The following HDAC9 variants were observed in gnomAD, a reference collection of about 807,000 sequenced individuals.
HDAC9 encodes MEF-2 interacting transcription repressor (MITR) protein.
A neutral mutation model predicts 139.4 loss-of-function variants in HDAC9; 41 were observed. The observed-to-expected ratio is 0.29, with a 90% CI of 0.23 to 0.38. HDAC9 has a LOEUF of 0.38. Among genes scored for constraint, HDAC9 ranks in the 10% least tolerant of loss-of-function variants. The pLI, the probability that HDAC9 is intolerant of heterozygous loss-of-function variation, is 1.00. For synonymous variants in HDAC9, 517 were observed against 476.2 expected, an observed-to-expected ratio of 1.09 and a Z score of -1.12; for missense variants, 1,147 against 1,297.0, an observed-to-expected ratio of 0.88 and a Z score of 1.78.
chr7:18,228,338 G>A (rs150436654), intron 2 of HDAC9, among the ~76,000 whole-genome samples: 8 of 148,476 alleles, frequency 5.4e-5, no homozygotes, highest in South Asian at 2.1e-4. Flanking sequence ...TGAAAATGAC[G>A]TATAAAACTC....
At chr7:18,273,055 C>CCTTTTTTTTTTTTTTTTTTTTTTTTTT (rs1491175072) in intron 2 of HDAC9, among the ~76,000 whole-genome samples, 1 of 68,236 alleles carries the variant, frequency 1.5e-5, no homozygotes, top group African/African-American at 6.4e-5. Flanking sequence ...TCCCCTTCTT[C>CCTTTTTTTTTTTTTTTTTTTTTTTTTT]GTTTTTTTTT....
chr7:18,264,028 T>C (rs768596581), intron 2 of HDAC9, among the ~76,000 whole-genome samples: 1 of 152,198 alleles, frequency 6.6e-6, no homozygotes, highest in Admixed American at 6.5e-5. Context: ...TTGTAAACAT[T>C]TATGCACCCA....
chr7:18,198,312 G>GA (rs1438818388), intron 2 of HDAC9, among the ~76,000 whole-genome samples: 3 of 151,750 alleles, frequency 2.0e-5, no homozygotes, highest in East Asian at 1.9e-4. Flanking sequence ...CTGTAAAAAA[G>GA]AAAAAAATAT....
intron 21 of HDAC9, among the ~76,000 whole-genome samples, chr7:18,836,691 A>T (rs1043731485): frequency 6.6e-6 from 1 of 152,158 alleles, no homozygotes; most frequent in African/African-American, 2.4e-5. Context: ...AATTTTAAAA[A>T]TGAGCATTTC....
chr7:18,975,843 A>G lies in HDAC9; in HGVS notation c.3060A>G (p.Pro1020=), dbSNP rs1410429070. The change falls in exon 25 of 26, where the codon CCA becomes CCG. Residue 1020 remains proline (P), a synonymous_variant. Transcript: ENST00000686413. ...YWKSVRMVAV[P]RGCALAGAQL... Reference sequence around the variant, plus strand: ...AGTCAGTAAGGATGGTGGCTGTGCCAAGGGGCTGTGCTCTGGCTGGTGCTC... The same window carrying G: ...AGTCAGTAAGGATGGTGGCTGTGCCGAGGGGCTGTGCTCTGGCTGGTGCTC... The G allele has an allele frequency of 1.2e-6, 2 of 1,613,810 alleles. No individual in the cohort carries two copies. The highest frequency in any genetic ancestry group is 1.7e-6 in the Non-Finnish European group (2 of 1,179,856).
chr7:18,762,364 A>G, intron 15 of HDAC9, 87 bp downstream of exon 15: 1 of 1,468,414 alleles, frequency 6.8e-7, no homozygotes, highest in Non-Finnish European at 9.3e-7. Context: ...ATACTTGGCA[A>G]GTAGTGCAAC....
At position 18,666,222 on chromosome 7, in the gene HDAC9, A is replaced by C; in HGVS notation, c.1477A>C (p.Lys493Gln). ...GAACACTCTCTTCTAGCTGCTTTCG[A>C]AATCTATTGAACAACTGAAGCAACC... The part of the protein sequence containing the change: ...QQIHMNKLLS[K>Q]SIEQLKQPGS... Residue 493 changes from lysine to glutamine, a missense_variant, in exon 12 of 26, where the codon AAA becomes CAA. By Grantham distance (53) the Lys-to-Gln change is moderately conservative. Coordinates refer to ENST00000686413, the MANE Select transcript of HDAC9 (RefSeq NM_178425.4). The C allele has an allele frequency of 6.2e-7, 1 of 1,609,940 alleles. No individual in the cohort carries two copies.
At chr7:18,448,623 G>T (rs1488831253) in intron 1 of HDAC9, among the ~76,000 whole-genome samples, 2 of 152,072 alleles carry the variant, frequency 1.3e-5, no homozygotes, top group Admixed American at 6.6e-5. Flanking sequence ...TTTGAAAATG[G>T]ACCCATTCCA....
intron 1 of HDAC9, among the ~76,000 whole-genome samples, chr7:18,406,240 T>C (rs1050636511): frequency 1.3e-5 from 2 of 152,140 alleles, no homozygotes; most frequent in African/African-American, 4.8e-5. Flanking sequence ...CAAAACATTG[T>C]CCTACTTTCT....
intron 17 of HDAC9, among the ~76,000 whole-genome samples, chr7:18,817,031 G>GTTT (rs1342750491): frequency 7.6e-6 from 1 of 131,060 alleles, no homozygotes; most frequent in Non-Finnish European, 1.5e-5. Flanking sequence ...TAGGTGAGAA[G>GTTT]TTTTTTGTTT....
chr7:18,593,821 C>T lies in HDAC9; in HGVS notation c.543-87C>T, dbSNP rs564760953. 7.7e-5 allele frequency: 107 copies of T among 1,391,086 alleles called. No homozygotes were observed. The African/African-American group carries it at 9.8e-4, about 13-fold the overall frequency. The allele number at this position is 1,391,086 out of a possible 1,614,324, so 86.2% of individuals were successfully genotyped here. ...AAAGAGCATAAACATAGCTGAGGCA[C>T]GTGTACAGCGTGTGCAGCTGATTAT... On this transcript the variant is annotated intron_variant, in intron 5 of 25. Transcript: ENST00000686413.
chr7:18,543,042 C>T (rs1813527129), intron 2 of HDAC9: 1 of 152,034 alleles, frequency 6.6e-6, no homozygotes, highest in African/African-American at 2.4e-5. Flanking sequence ...TTCAAAATGC[C>T]TCCATCACTT....
chr7:18,987,934 C>A (rs560023401), intron 25 of HDAC9, among the ~76,000 whole-genome samples: 1 of 148,240 alleles, frequency 6.7e-6, no homozygotes, highest in Non-Finnish European at 1.5e-5. Flanking sequence ...CATTTTTTAT[C>A]GCATCTATTT....
At chr7:18,112,056 TA>T (rs1783653274) in intron 1 of HDAC9, among the ~76,000 whole-genome samples, 1 of 152,246 alleles carries the variant, frequency 6.6e-6, no homozygotes, top group African/African-American at 2.4e-5. Flanking sequence ...TGTATTAGAA[TA>T]GATGTAGTAA....
At chr7:18,330,950 A>C (rs1020553409) in intron 1 of HDAC9, among the ~76,000 whole-genome samples, 1 of 151,736 alleles carries the variant, frequency 6.6e-6, no homozygotes, top group East Asian at 1.9e-4. Flanking sequence ...AGAATCAGGG[A>C]AATTTTAGAT....
rs1799267876 is a variant in HDAC9 at position 18,875,679 on chromosome 7, A to G, written c.2803+1083A>G. ...CTACAAAGACAAACAAAGCAAAATA[A>G]TTCATGATTTTGGTAAAATTGAATA... On this transcript the variant is annotated intron_variant, in intron 22 of 25. Transcript: ENST00000686413. Among the ~76,000 whole-genome samples the G allele has an allele frequency of 2.0e-5, 3 of 152,292 alleles. No individual in the cohort carries two copies. In the South Asian group the frequency reaches 6.2e-4, roughly 32 times the overall value.
At chr7:18,648,124 AC>A (rs1259944815) in intron 10 of HDAC9, 126 bp downstream of exon 10, 4 of 733,848 alleles carry the variant, frequency 5.5e-6, no homozygotes, top group Non-Finnish European at 8.8e-6. Flanking sequence ...TTTCCCTGAT[AC>A]CTGGTACTGT....
intron 23 of HDAC9, among the ~76,000 whole-genome samples, chr7:18,949,995 A>G (rs1782680754): frequency 6.6e-6 from 1 of 152,126 alleles, no homozygotes; most frequent in Non-Finnish European, 1.5e-5. Flanking sequence ...CCCTATTCAT[A>G]AAATTGTAGA....
At chr7:18,955,468 T>G (rs1783085161) in intron 24 of HDAC9, among the ~76,000 whole-genome samples, 1 of 152,158 alleles carries the variant, frequency 6.6e-6, no homozygotes, top group African/African-American at 2.4e-5. Flanking sequence ...TTTATACATA[T>G]TATTATCTTT....
Sources: allele counts gnomAD v4.1 joint callset (sites outside exome capture counted in the v4.1 genomes callset), GRCh38; gene constraint gnomAD v4.1.1; transcripts MANE v1.5; gene names NCBI Gene and HGNC (gene_info 2026-07-23, HGNC 2026-07-21).